Variants in ADAMTS17 observed in about 807,000 individuals in gnomAD.
ADAMTS17 encodes the protein A disintegrin and metalloproteinase with thrombospondin motifs 17.
A neutral mutation model predicts 141.5 loss-of-function variants in ADAMTS17; 113 were observed. The ratio of observed to expected loss-of-function variants is 0.80; its 90% CI spans 0.69 to 0.93. The LOEUF (loss-of-function observed/expected upper bound fraction) is 0.93, where lower values mean the gene tolerates loss of function less well. ADAMTS17 is among the 40% of genes least tolerant of loss of function. ADAMTS17 has a pLI of 0.00. For missense variants in ADAMTS17, 1,659 were observed against 1,517.9 expected (o/e 1.09, Z -1.54); for synonymous variants, 768 against 630.6 (o/e 1.22, Z -3.27).
intron 10 of ADAMTS17, among the ~76,000 whole-genome samples, chr15:100,147,180 G>A (rs922142702): frequency 6.6e-6 from 1 of 152,064 alleles, no homozygotes; most frequent in Non-Finnish European, 1.5e-5. Context: ...ACCGAGATGT[G>A]ATGTCTCCCC....
chr15:100,276,991 G>A (rs551934052), intron 4 of ADAMTS17, among the ~76,000 whole-genome samples: 33 of 152,258 alleles, frequency 2.2e-4, no homozygotes, highest in Admixed American at 1.1e-3. Context: ...TCCAGGGCTA[G>A]AGCGGCAAGA....
chr15:100,205,466 C>T (rs1427716250), intron 7 of ADAMTS17, among the ~76,000 whole-genome samples: 1 of 152,068 alleles, frequency 6.6e-6, no homozygotes, highest in Admixed American at 6.5e-5. Context: ...TGCAGATTAC[C>T]CACCTGCCAG....
At chr15:100,255,822 TGAG>T (rs1397844704) in intron 6 of ADAMTS17, among the ~76,000 whole-genome samples, 2 of 152,184 alleles carry the variant, frequency 1.3e-5, no homozygotes, top group African/African-American at 2.4e-5. Context: ...CCCTGTTGGC[TGAG>T]GAGGACTCCA....
chr15:100,172,748 G>C (rs1184578402), intron 8 of ADAMTS17, among the ~76,000 whole-genome samples: 1 of 152,206 alleles, frequency 6.6e-6, no homozygotes, highest in African/African-American at 2.4e-5. Context: ...ACCTGCATTA[G>C]GAATAAGATC....
intron 15 of ADAMTS17, among the ~76,000 whole-genome samples, chr15:100,078,658 G>C (rs1426532732): frequency 6.6e-6 from 1 of 152,140 alleles, no homozygotes; most frequent in Non-Finnish European, 1.5e-5. Context: ...CCTTGAATTA[G>C]GCAATAGTTT....
intron 3 of ADAMTS17, among the ~76,000 whole-genome samples, chr15:100,328,120 T>G (rs549807970): frequency 6.6e-6 from 1 of 152,212 alleles, no homozygotes; most frequent in Non-Finnish European, 1.5e-5. Context: ...ATGGCTGCCA[T>G]GTTCAGCCAG....
At chr15:100,184,686 C>T (rs1225416120) in intron 8 of ADAMTS17, among the ~76,000 whole-genome samples, 1 of 151,950 alleles carries the variant, frequency 6.6e-6, no homozygotes, top group Non-Finnish European at 1.5e-5. Context: ...TGCCTCCTGA[C>T]CAATGCTGCC....
intron 6 of ADAMTS17, chr15:100,256,509 C>CGAGCGTGGG (rs2043331568): frequency 6.6e-6 from 1 of 152,206 alleles, no homozygotes; most frequent in Non-Finnish European, 1.5e-5. Flanking sequence ...CATGGCCTCA[C>CGAGCGTGGG]GAGCGTGGGA....
Position 100,319,792 on chromosome 15 carries a change from C to T in ADAMTS17, c.616+11097G>A, listed in dbSNP as rs145036961. ...ATACTAAGAAGATCTAGGTGGGGCG[C>T]GGTGGCTCACACCTATAATCCCAGC... On this transcript the variant is annotated intron_variant, in intron 3 of 21. Transcript: ENST00000268070. Among the ~76,000 whole-genome samples, 1,067 of 151,658 alleles carry T rather than the reference C, an allele frequency of 7.0e-3. 16 individuals carry two copies. The highest frequency in any genetic ancestry group is 0.024 in the African/African-American group (987 of 41,308).
intron 7 of ADAMTS17, among the ~76,000 whole-genome samples, chr15:100,227,832 G>T (rs2042357877): frequency 6.6e-6 from 1 of 152,174 alleles, no homozygotes; most frequent in Non-Finnish European, 1.5e-5. Flanking sequence ...CCTGAGGGTG[G>T]GCACACAGCC....
rs112942830 is a variant in ADAMTS17, at chr15:100,222,051, G to A, written c.1076-22628C>T. ...AAACCATTTTATTAAACGAAGTCAC[G>A]CCTTAGCCTTAAGAGTGCTTTCATG... On this transcript the variant is annotated intron_variant, in intron 7 of 21. Transcript: ENST00000268070. Among the ~76,000 whole-genome samples, 11 of 152,282 alleles carry A rather than the reference G, an allele frequency of 7.2e-5. 1 individual carries two copies. The highest frequency in any genetic ancestry group is 2.4e-4 in the African/African-American group (10 of 41,558).
At chr15:100,072,535 C>A (rs1433208640) in intron 15 of ADAMTS17, among the ~76,000 whole-genome samples, 5 of 152,058 alleles carry the variant, frequency 3.3e-5, no homozygotes, top group Admixed American at 1.3e-4. Context: ...ACCAAAACAG[C>A]ATGGTACTGG....
chr15:100,212,863 T>C (rs2041853099), intron 7 of ADAMTS17, among the ~76,000 whole-genome samples: 1 of 148,658 alleles, frequency 6.7e-6, no homozygotes, highest in African/African-American at 2.5e-5. Flanking sequence ...TGGGGTGGAG[T>C]GGAGTGGGAA....
At chr15:100,066,347 T>A (rs2033524209) in intron 15 of ADAMTS17, among the ~76,000 whole-genome samples, 1 of 152,106 alleles carries the variant, frequency 6.6e-6, no homozygotes, top group Non-Finnish European at 1.5e-5. Flanking sequence ...ATCACGCTTG[T>A]CAGGGCTTAG....
At chr15:100,235,290 G>A (rs940759745) in intron 7 of ADAMTS17, among the ~76,000 whole-genome samples, 1 of 152,124 alleles carries the variant, frequency 6.6e-6, no homozygotes, top group African/African-American at 2.4e-5. Context: ...GCAGGCAAGG[G>A]CCTGTGCAGT....
intron 3 of ADAMTS17, among the ~76,000 whole-genome samples, chr15:100,325,397 T>C (rs2045868011): frequency 6.6e-6 from 1 of 152,162 alleles, no homozygotes; most frequent in South Asian, 2.1e-4. Context: ...ATGACTGGGA[T>C]CCTCCTAAGA....
rs186763247 is a variant in ADAMTS17 at position 99,984,069 on chromosome 15, C to T, written c.2950-7847G>A. ...AATGCTTCCCAGACACCCCCTCCCA[C>T]GCCCCCTGCGACGCCTGCTTTCTTC... On this transcript the variant is annotated intron_variant, in intron 20 of 21. Transcript: ENST00000268070. 7.2e-5 allele frequency among the ~76,000 whole-genome samples: 11 copies of T among 152,290 alleles called. 1 individual carries two copies. Among genetic ancestry groups the T allele is most frequent in the Middle Eastern group, 3.4e-3 (1 of 294 alleles).
intron 20 of ADAMTS17, chr15:99,976,686 C>T (rs544502794): frequency 2.2e-4 from 56 of 254,026 alleles, no homozygotes; most frequent in African/African-American, 1.2e-3. Context: ...CCCGAGCTTG[C>T]TGGCTCTCCA....
chr15:100,141,676 G>A (rs1272286354), intron 10 of ADAMTS17, among the ~76,000 whole-genome samples: 3 of 152,212 alleles, frequency 2.0e-5, no homozygotes, highest in African/African-American at 4.8e-5. Context: ...GGGGGCTGCC[G>A]GGTGAGGGTG....
Sources: allele counts gnomAD v4.1 joint callset (sites outside exome capture counted in the v4.1 genomes callset), GRCh38; gene constraint gnomAD v4.1.1; transcripts MANE v1.5; gene names NCBI Gene and HGNC (gene_info 2026-07-23, HGNC 2026-07-21).